Variants in ADAMTS7 observed in about 807,000 individuals in gnomAD.
ADAMTS7 encodes A disintegrin and metalloproteinase with thrombospondin motifs 7.
Under a neutral mutation model 172.6 loss-of-function variants are expected in ADAMTS7, and 89 were observed. The observed-to-expected ratio is 0.52, with a 90% CI of 0.43 to 0.61. ADAMTS7 has a LOEUF of 0.61. Ranked by LOEUF, ADAMTS7 falls within the 20% of genes least tolerant of loss-of-function variation. ADAMTS7 has a pLI of 0.00. For synonymous variants in ADAMTS7, 885 were observed against 978.4 expected (o/e 0.90, Z 1.78); for missense variants, 1,973 against 2,355.6 (o/e 0.84, Z 3.36).
At chr15:78,779,882 G>A (rs1596187959) in intron 8 of ADAMTS7, among the ~76,000 whole-genome samples, 2 of 150,468 alleles carry the variant, frequency 1.3e-5, no homozygotes, top group Non-Finnish European at 3.0e-5. Flanking sequence ...TTGGGCAGCT[G>A]AAGCCACAAC....
intron 8 of ADAMTS7, among the ~76,000 whole-genome samples, chr15:78,785,416 G>A (rs1163771235): frequency 6.6e-6 from 1 of 151,928 alleles, no homozygotes; most frequent in African/African-American, 2.4e-5. Context: ...GGCAGGGGTG[G>A]CAGGTGCCTG....
intron 8 of ADAMTS7, among the ~76,000 whole-genome samples, chr15:78,786,039 C>T (rs2055497313): frequency 6.6e-6 from 1 of 150,572 alleles, no homozygotes; most frequent in Admixed American, 6.7e-5. Flanking sequence ...AAGTGATTCT[C>T]CTGCCTCAGC....
chr15:78,783,470 G>T (rs2055460674), intron 8 of ADAMTS7, among the ~76,000 whole-genome samples: 1 of 151,596 alleles, frequency 6.6e-6, no homozygotes, highest in African/African-American at 2.4e-5. Flanking sequence ...TAGAGACAGG[G>T]TTTCACCATG....
At chr15:78,788,162 T>A (rs1174789564) in intron 8 of ADAMTS7, 69 bp downstream of exon 8, 1 of 1,583,372 alleles carries the variant, frequency 6.3e-7, no homozygotes, top group Non-Finnish European at 8.6e-7. Context: ...AGTATGACTG[T>A]CTGCATCTCT....
Position 78,771,837 on chromosome 15 carries a change from C to G in ADAMTS7, c.2132-8G>C, listed in dbSNP as rs756652381. 4.4e-6 allele frequency: 7 copies of G among 1,608,190 alleles called. No individual in the cohort carries two copies. In the East Asian group the frequency reaches 1.6e-4, roughly 36 times the overall value. ...GCCCCACATCCACATACCCTGTCAG[C>G]CAAGGGTTGTGCATAGGTTGTGCCC... On this transcript the variant is annotated splice_polypyrimidine_tract_variant and splice_region_variant and intron_variant, in intron 14 of 23. Coordinates refer to ENST00000388820, the MANE Select transcript of ADAMTS7 (RefSeq NM_014272.5). This position sits in a 1 kb window ranked among gnomAD's most constrained non-coding sequence, Gnocchi z 4.9.
chr15:78,779,635 C>T (rs1320718150), intron 8 of ADAMTS7, among the ~76,000 whole-genome samples: 2 of 152,296 alleles, frequency 1.3e-5, no homozygotes, highest in East Asian at 1.9e-4. Flanking sequence ...AGAGTATCAG[C>T]GGCGGGTGGT....
In ADAMTS7 at chr15:78,788,458, C is replaced by T. The variant is rs1207004691; in HGVS notation, c.1179-84G>A. ...CTCCCCTGGACACCCACAAGGTGCG[C>T]AGTCCTAGTTCCCAGGGCTGGTTCT... On this transcript the variant is annotated intron_variant, in intron 7 of 23. Transcript: ENST00000388820. The T allele has an allele frequency of 3.3e-6, 5 of 1,534,016 alleles. No individual in the cohort carries two copies. The African/African-American group carries it at 6.8e-5, about 21-fold the overall frequency.
intron 2 of ADAMTS7, among the ~76,000 whole-genome samples, chr15:78,798,755 C>G (rs954940881): frequency 6.6e-6 from 1 of 152,178 alleles, no homozygotes; most frequent in African/African-American, 2.4e-5. Context: ...CCCTGGGAAG[C>G]ATCTTTGATG....
At chr15:78,761,667 C>G (rs2055044684) in intron 23 of ADAMTS7, among the ~76,000 whole-genome samples, 1 of 152,204 alleles carries the variant, frequency 6.6e-6, no homozygotes, top group Non-Finnish European at 1.5e-5. Context: ...CAGGGCCACC[C>G]CATTTCCTGC....
Position 78,800,295 on chromosome 15 carries a change from C to G in ADAMTS7, c.353G>C (p.Arg118Pro), listed in dbSNP as rs1215000424. 1.3e-6 allele frequency: 2 copies of G among 1,587,010 alleles called. No homozygotes were observed. Among genetic ancestry groups the G allele is most frequent in the African/African-American group, 2.7e-5 (2 of 74,132 alleles). Residue 118 changes from arginine to proline, a missense_variant, in exon 2 of 24, where the codon CGC becomes CCC. By Grantham distance (103) the Arg-to-Pro change is moderately radical. Transcript: ENST00000388820. ...SETRRRGGLG[R>P]AHIRAHTPAC... Reference sequence around the variant, plus strand: ...CGGGGTGTGGGCCCGGATGTGCGCGCGGCCCAGGCCGCCGCGCCGCCGCGT... The same window carrying G: ...CGGGGTGTGGGCCCGGATGTGCGCGGGGCCCAGGCCGCCGCGCCGCCGCGT...
chr15:78,800,319 G>A lies in ADAMTS7; in HGVS notation c.329C>T (p.Thr110Met), dbSNP rs749512576. The A allele has an allele frequency of 1.2e-4, 191 of 1,596,534 alleles. No homozygotes were observed. The Admixed American group carries it at 3.2e-3, about 27-fold the overall frequency. Residue 110 changes from threonine (T) to methionine (M), a missense_variant, in exon 2 of 24, where the codon ACG becomes ATG. By Grantham distance (81) the Thr-to-Met change is moderately conservative. This residue lies in a region of ADAMTS7 where 306 missense variants were observed against 288.0 expected (regional missense o/e 1.06). Transcript: ENST00000388820. ...GCGGCCCAGGCCGCCGCGCCGCCGCGTCTCGCTCACAAAGCCGGGCGCCAG... is the reference window on the plus strand; with the variant it reads ...GCGGCCCAGGCCGCCGCGCCGCCGCATCTCGCTCACAAAGCCGGGCGCCAG... Reference protein sequence around the residue: ...HLLAPGFVSETRRRGGLGRAH... With the variant: ...HLLAPGFVSEMRRRGGLGRAH...
In ADAMTS7 at chr15:78,766,960, G is replaced by T. The variant is rs775288143; in HGVS notation, c.2951C>A (p.Ala984Asp). 79 of 1,610,496 alleles carry T rather than the reference G, an allele frequency of 4.9e-5. No homozygotes were observed. The highest frequency in any genetic ancestry group is 6.6e-5 in the Non-Finnish European group (78 of 1,179,282). Reference protein sequence around the residue: ...GVPCDEAQQPASEVTCSLPLC... With the variant: ...GVPCDEAQQPDSEVTCSLPLC... ...TGGCAGAGAGCAGGTGACTTCGCTG[G>T]CTGGCTGCTGGGCCTCGTCACAGGG... is the stretch of plus-strand genomic sequence containing the variant. Residue 984 changes from alanine to aspartate, a missense_variant, in exon 19 of 24, where the codon GCC becomes GAC. By Grantham distance (126) the Ala-to-Asp change is moderately radical (BLOSUM62 -2). Around this residue, in one of 8 missense-constraint regions of ADAMTS7, gnomAD observed 771 missense variants for 952.6 expected, o/e 0.81. Transcript: ENST00000388820.
Position 78,811,458 on chromosome 15 carries a change from A to C in ADAMTS7, c.-238T>G. ...CAAGAGAGCTAGAAGGAGAGAAAGA[A>C]AGAAAGAAAGAAAGGGAGGGAGAGT... On this transcript the variant is annotated 5_prime_UTR_variant, in exon 1 of 24. Transcript: ENST00000388820. 2 of 326,650 alleles carry C rather than the reference A, an allele frequency of 6.1e-6. No individual in the cohort carries two copies. Among genetic ancestry groups the C allele is most frequent in the East Asian group, 4.9e-5 (1 of 20,328 alleles). The allele number at this position is 326,650 out of a possible 1,614,324, so 20.2% of individuals were successfully genotyped here.
At chr15:78,781,571 G>A (rs2055429365) in intron 8 of ADAMTS7, among the ~76,000 whole-genome samples, 1 of 152,132 alleles carries the variant, frequency 6.6e-6, no homozygotes, top group Non-Finnish European at 1.5e-5. Flanking sequence ...CCCAGGCCCC[G>A]AGCCAAGTCC....
intron 8 of ADAMTS7, among the ~76,000 whole-genome samples, chr15:78,780,187 G>A (rs2141495980): frequency 1.4e-5 from 2 of 147,090 alleles, no homozygotes; most frequent in Non-Finnish European, 3.0e-5. Flanking sequence ...CCTCTGCGCT[G>A]CCGACACACC....
Position 78,765,708 on chromosome 15 carries a change from C to T in ADAMTS7, c.4203G>A (p.Ala1401=), listed in dbSNP as rs1289042410. 38 of 1,610,496 alleles carry T rather than the reference C, an allele frequency of 2.4e-5. No individual in the cohort carries two copies. Among genetic ancestry groups the T allele is most frequent in the African/African-American group, 1.1e-4 (8 of 74,846 alleles). The change falls in exon 19 of 24, where the codon GCG becomes GCA. Residue 1401 remains alanine (A), a synonymous_variant. Transcript: ENST00000388820. The stretch of plus-strand genomic sequence containing the variant: ...CAACCAACGGGTCCGCGGGGGGCCC[C>T]GCTTCAGCCAGGCTGGGAGCCAGCG... The part of the protein sequence containing the change: ...TQPLAPSLAE[A]GPPADPLVVR...
chr15:78,791,307 C>A (rs1168591042), intron 4 of ADAMTS7, 84 bp from the exon 5 acceptor site: 8 of 1,105,316 alleles, frequency 7.2e-6, no homozygotes, highest in Non-Finnish European at 7.8e-6. Flanking sequence ...CCCACCCACG[C>A]AGGGCAACGC....
intron 22 of ADAMTS7, among the ~76,000 whole-genome samples, chr15:78,762,887 C>G (rs1196979413): frequency 4.6e-5 from 7 of 152,208 alleles, no homozygotes; most frequent in Admixed American, 4.6e-4. Flanking sequence ...CGGGATGGAG[C>G]CCTGATGCAG....
intron 4 of ADAMTS7, 86 bp downstream of exon 4, chr15:78,796,504 G>A: frequency 6.8e-7 from 1 of 1,474,684 alleles, no homozygotes; most frequent in Non-Finnish European, 9.2e-7. Context: ...GGTCCAGCCT[G>A]ACAGCCTTCC....
Sources: allele counts gnomAD v4.1 joint callset (sites outside exome capture counted in the v4.1 genomes callset), GRCh38; gene constraint gnomAD v4.1.1; regional missense constraint gnomAD v4.1.1; non-coding constraint Gnocchi (gnomAD v3.1); transcripts MANE v1.5; gene names NCBI Gene and HGNC (gene_info 2026-07-23, HGNC 2026-07-21).